Variants in LANCL3 observed in about 807,000 individuals in gnomAD.
The protein encoded by LANCL3 is LanC like family member 3, also known as lanC-like protein 3.
LANCL3 carries 19 observed loss-of-function variants against 26.5 expected under a neutral mutation model. The ratio of observed to expected loss-of-function variants is 0.72; its 90% CI spans 0.50 to 1.05. LANCL3 has a LOEUF of 1.05. Among genes scored for constraint, LANCL3 ranks in the 50% least tolerant of loss-of-function variants. LANCL3 has a pLI of 0.00. For missense variants in LANCL3, 318 were observed against 362.7 expected, an observed-to-expected ratio of 0.88 and a Z score of 1.00; for synonymous variants, 160 against 166.6, an observed-to-expected ratio of 0.96 and a Z score of 0.30.
Position 37,598,323 on chromosome X carries a change from A to G in LANCL3, c.573+25880A>G, listed in dbSNP as rs782160091. On this transcript the variant is annotated intron_variant, in intron 1 of 4. Transcript: ENST00000378619. ...CCATTAGGATCACCTGGGGAGTTTT[A>G]AAAATTCCTGAGTCCAGGCCATGCT... 1.6e-3 allele frequency among the ~76,000 whole-genome samples: 179 copies of G among 111,968 alleles called. 1 individual carries two copies. Among genetic ancestry groups the G allele is most frequent in the African/African-American group, 5.6e-3 (174 of 30,812 alleles).
chrX:37,641,866 G>T (rs1308521094), intron 1 of LANCL3, among the ~76,000 whole-genome samples: 1 of 111,647 alleles, frequency 9.0e-6, no homozygotes, highest in African/African-American at 3.3e-5. Context: ...GTGGCTCCTG[G>T]AAAAGAAGAT....
At chrX:37,655,307 G>T (rs1471213423) in intron 1 of LANCL3, among the ~76,000 whole-genome samples, 6 of 112,009 alleles carry the variant, frequency 5.4e-5, no homozygotes, top group Middle Eastern at 9.2e-3. Context: ...GACCTACACT[G>T]TACACCAGGA....
At chrX:37,628,484 A>C (rs1257177357) in intron 1 of LANCL3, among the ~76,000 whole-genome samples, 3 of 109,225 alleles carry the variant, frequency 2.7e-5, no homozygotes, top group African/African-American at 1.0e-4. Context: ...TTTAGGGTAC[A>C]TGTGCACAAT....
intron 1 of LANCL3, among the ~76,000 whole-genome samples, chrX:37,639,489 A>G (rs989558661): frequency 9.1e-6 from 1 of 109,525 alleles, no homozygotes; most frequent in African/African-American, 3.3e-5. Flanking sequence ...TGGTTTATTT[A>G]AAAAGTGGTA....
Position 37,572,183 on chromosome X carries a change from C to G in LANCL3, c.313C>G (p.Arg105Gly), listed in dbSNP as rs1345388135. 8.5e-7 allele frequency: 1 copy of G among 1,179,571 alleles called. No homozygotes were observed. Among genetic ancestry groups the G allele is most frequent in the East Asian group, 3.0e-5 (1 of 33,119 alleles). Reference protein sequence around the residue: ...SAKRLIDACARAEEWGEPDAD... With the variant: ...SAKRLIDACAGAEEWGEPDAD... ...TAAGCGCCTCATCGACGCGTGCGCC[C>G]GCGCTGAGGAGTGGGGCGAACCGGA... Residue 105 changes from arginine to glycine, a missense_variant, in exon 1 of 5, where the codon CGC (arginine) becomes GGC (glycine). Transcript: ENST00000378619.
chrX:37,668,178 G>A (rs944582070), intron 4 of LANCL3, among the ~76,000 whole-genome samples: 1 of 107,088 alleles, frequency 9.3e-6, no homozygotes, highest in Non-Finnish European at 1.9e-5. Flanking sequence ...ATGCTATGAT[G>A]ACTAATCTTG....
intron 4 of LANCL3, chrX:37,668,592 A>G (rs1602136727): frequency 5.1e-6 from 1 of 195,180 alleles, no homozygotes; most frequent in East Asian, 8.8e-5. Context: ...GTCCATAACC[A>G]TGAATGGTTA....
Position 37,667,455 on chromosome X carries a change from A to T in LANCL3, c.1069A>T (p.Thr357Ser). The change falls in exon 4 of 5, where the codon ACG becomes TCG. Residue 357 changes from threonine to serine, a missense_variant. By Grantham distance (58) the Thr-to-Ser change is moderately conservative. Coordinates refer to ENST00000378619, the MANE Select transcript of LANCL3 (RefSeq NM_001170331.2). Reference sequence around the variant, plus strand: ...TGTCTTCCTGCTGCTGTACCGGCTCACGGGAAACTCTAAATACATCTACCG... The same window carrying T: ...TGTCTTCCTGCTGCTGTACCGGCTCTCGGGAAACTCTAAATACATCTACCG... ...AYVFLLLYRL[T>S]GNSKYIYRAQ... The T allele has an allele frequency of 8.4e-7, 1 of 1,193,872 alleles. No individual in the cohort carries two copies. The highest frequency in any genetic ancestry group is 1.1e-6 in the Non-Finnish European group (1 of 888,179).
chrX:37,586,447 A>G (rs1200505800), intron 1 of LANCL3, among the ~76,000 whole-genome samples: 4 of 111,804 alleles, frequency 3.6e-5, no homozygotes, highest in Non-Finnish European at 5.6e-5. Flanking sequence ...TCAGACGTAC[A>G]TTTGGTCTTT....
In LANCL3 at chrX:37,656,665, T is replaced by C. The variant is rs1468062669; in HGVS notation, c.697+854T>C. Among the ~76,000 whole-genome samples the C allele has an allele frequency of 2.7e-5, 3 of 112,615 alleles. No individual in the cohort carries two copies. In the East Asian group the frequency reaches 8.4e-4, roughly 32 times the overall value. On this transcript the variant is annotated intron_variant, in intron 2 of 4. Coordinates refer to ENST00000378619, the MANE Select transcript of LANCL3 (RefSeq NM_001170331.2). ...TGCTGTCATCCTGCGTATACTTCTATTGGAGCCCTTATTACACTGTAATTA... is the reference window on the plus strand; with the variant it reads ...TGCTGTCATCCTGCGTATACTTCTACTGGAGCCCTTATTACACTGTAATTA...
intron 1 of LANCL3, among the ~76,000 whole-genome samples, chrX:37,580,031 A>G (rs1257969609): frequency 8.9e-6 from 1 of 111,955 alleles, no homozygotes; most frequent in Non-Finnish European, 1.9e-5. Flanking sequence ...CTTTTACCAA[A>G]CAAAATGCAT....
intron 4 of LANCL3, among the ~76,000 whole-genome samples, chrX:37,671,185 C>T (rs782520582): frequency 1.1e-4 from 12 of 111,173 alleles, no homozygotes; most frequent in Non-Finnish European, 2.3e-4. Flanking sequence ...AATAGATACA[C>T]ACATATCTGC....
intron 1 of LANCL3, among the ~76,000 whole-genome samples, chrX:37,638,316 C>CG (rs1556425541): frequency 7.2e-5 from 8 of 111,576 alleles, no homozygotes; most frequent in South Asian, 3.8e-4. Context: ...ATAAAGGCAC[C>CG]TGGTCAAAAG....
intron 1 of LANCL3, among the ~76,000 whole-genome samples, chrX:37,612,914 C>T (rs1556421350): frequency 1.8e-5 from 2 of 111,672 alleles, no homozygotes; most frequent in East Asian, 2.8e-4. Flanking sequence ...CCCCTGAGTG[C>T]TTGGGCCTGC....
intron 3 of LANCL3, among the ~76,000 whole-genome samples, chrX:37,664,015 C>A (rs1926482171): frequency 8.9e-6 from 1 of 111,972 alleles, no homozygotes; most frequent in Non-Finnish European, 1.9e-5. Flanking sequence ...CCTGTGTCAT[C>A]CCTGTGAGGG....
At position 37,628,444 on chromosome X, in the gene LANCL3, TG is replaced by T. The variant is rs1411498414; in HGVS notation, c.574-27243del. Among the ~76,000 whole-genome samples, 34 of 110,783 alleles carry T rather than the reference TG, an allele frequency of 3.1e-4. 1 individual carries two copies. The highest frequency in any genetic ancestry group is 2.3e-3 in the South Asian group (6 of 2,554). On this transcript the variant is annotated intron_variant, in intron 1 of 4. Transcript: ENST00000378619. Reference sequence around the variant, plus strand: ...TAATGTGTGATTTTTTTCAACTTGATGTTTTTTTTATTATTATTATACTTTA... The same window carrying T: ...TAATGTGTGATTTTTTTCAACTTGATTTTTTTTTATTATTATTATACTTTA...
intron 1 of LANCL3, among the ~76,000 whole-genome samples, chrX:37,587,891 G>T (rs1297513398): frequency 8.0e-5 from 9 of 112,399 alleles, no homozygotes; most frequent in Admixed American, 7.5e-4. Flanking sequence ...CATCTCTCAC[G>T]CTGGGAGCTG....
chrX:37,637,498 C>T (rs886989753), intron 1 of LANCL3, among the ~76,000 whole-genome samples: 10 of 111,139 alleles, frequency 9.0e-5, no homozygotes, highest in African/African-American at 1.6e-4. Context: ...AATACATGCG[C>T]GTGGCCCCTT....
intron 1 of LANCL3, among the ~76,000 whole-genome samples, chrX:37,579,085 A>T (rs1339563211): frequency 9.1e-6 from 1 of 110,458 alleles, no homozygotes; most frequent in East Asian, 2.8e-4. Context: ...CACTTATACA[A>T]ATTATCATAT....
Sources: gnomAD v4.1 joint callset for allele counts (sites outside exome capture counted in the v4.1 genomes callset) on GRCh38, gnomAD v4.1.1 for gene constraint, MANE v1.5 for transcripts, NCBI Gene and HGNC (gene_info 2026-07-23, HGNC 2026-07-21) for gene names.